MS4A5: variants seen among roughly 807,000 people sequenced by gnomAD.
MS4A5 encodes membrane-spanning 4-domains subfamily A member 5.
Under a neutral mutation model 18.2 loss-of-function variants are expected in MS4A5, and 15 were observed. The ratio of observed to expected loss-of-function variants is 0.83; its 90% CI spans 0.55 to 1.27. The LOEUF is 1.27. Among genes scored for constraint, MS4A5 ranks in the 50% most tolerant of loss-of-function variants. The pLI, the probability that MS4A5 is intolerant of heterozygous loss-of-function variation, is 0.00. For missense variants in MS4A5, 232 were observed against 225.7 expected (o/e 1.03, Z -0.18); for synonymous variants, 89 against 78.7 (o/e 1.13, Z -0.69).
chr11:60,435,249 T>C (rs2086072208), intron 4 of MS4A5, among the ~76,000 whole-genome samples: 1 of 151,604 alleles, frequency 6.6e-6, no homozygotes, highest in Non-Finnish European at 1.5e-5. Context: ...CCATTGAAAA[T>C]TAACAGTAAG....
chr11:60,434,538 G>A (rs1466322557), intron 4 of MS4A5, among the ~76,000 whole-genome samples: 4 of 152,202 alleles, frequency 2.6e-5, no homozygotes, highest in Non-Finnish European at 5.9e-5. Flanking sequence ...GAATGCACCA[G>A]GTCCACAGAA....
At chr11:60,437,540 G>A (rs2086087188) in intron 4 of MS4A5, among the ~76,000 whole-genome samples, 1 of 152,158 alleles carries the variant, frequency 6.6e-6, no homozygotes, top group Non-Finnish European at 1.5e-5. Context: ...CTCATGTGCA[G>A]AGACACACAT....
rs1304168641 is a variant in MS4A5 at position 60,429,782 on chromosome 11, A to G, written c.108A>G (p.Gln36=). 4.3e-6 allele frequency: 7 copies of G among 1,613,944 alleles called. No individual in the cohort carries two copies. Among genetic ancestry groups the G allele is most frequent in the Non-Finnish European group, 5.1e-6 (6 of 1,180,002 alleles). Residue 36 remains glutamine (Q), a synonymous_variant, in exon 1 of 5, where the codon CAA becomes CAG. Coordinates refer to ENST00000300190, the MANE Select transcript of MS4A5 (RefSeq NM_023945.3). ...TTTCAGCCACGACCTTTTCAACTCA[A>G]AGCCCCTTGCAAAAATTATTTGCTA... is the stretch of plus-strand genomic sequence containing the variant. ...TELSATTFST[Q]SPLQKLFARK... is the part of the protein sequence containing the mutation.
intron 4 of MS4A5, among the ~76,000 whole-genome samples, chr11:60,438,141 A>G (rs1215800068): frequency 1.3e-5 from 2 of 152,184 alleles, no homozygotes; most frequent in East Asian, 1.9e-4. Flanking sequence ...GCTCAACTAC[A>G]TGGAAACAGA....
intron 4 of MS4A5, among the ~76,000 whole-genome samples, chr11:60,445,553 AC>A (rs1156912469): frequency 8.5e-5 from 13 of 152,168 alleles, no homozygotes. Context: ...AGCTGGCGCA[AC>A]CAGCCAAAAT....
chr11:60,433,887 T>C lies in MS4A5; in HGVS notation c.462T>C (p.Ser154=). The C allele has an allele frequency of 6.2e-7, 1 of 1,614,150 alleles. No homozygotes were observed. The change falls in exon 4 of 5, where the codon AGT becomes AGC. Residue 154 remains serine, a synonymous_variant. Transcript: ENST00000300190. The stretch of plus-strand genomic sequence containing the variant: ...TTTGTGGTTATTCTCACCAAAATAG[T>C]CAGTGTAAGGCTGTTACTGTCCTGT... The part of the protein sequence containing the change: ...NYICGYSHQN[S]QCKAVTVLFL...
chr11:60,435,807 A>G (rs576871654), intron 4 of MS4A5, among the ~76,000 whole-genome samples: 35 of 152,062 alleles, frequency 2.3e-4, no homozygotes, highest in African/African-American at 8.2e-4. Context: ...GCTGATTGCT[A>G]GCACAGCAGT....
In MS4A5 at chr11:60,437,947, C is replaced by T. The variant is rs549525561; in HGVS notation, c.492+4030C>T. 4.3e-4 allele frequency among the ~76,000 whole-genome samples: 66 copies of T among 152,260 alleles called. No homozygotes were observed. The East Asian group carries it at 0.012, about 28-fold the overall frequency. ...CCTAATAGACATCTACAGAACTCTCCACGCCAAATCAACAGAATATACATT... is the reference window on the plus strand; with the variant it reads ...CCTAATAGACATCTACAGAACTCTCTACGCCAAATCAACAGAATATACATT... On this transcript the variant is annotated intron_variant, in intron 4 of 4. Transcript: ENST00000300190.
rs550966362 is a variant in MS4A5, at chr11:60,430,934, G to A, written c.282+10G>A. The A allele has an allele frequency of 9.1e-5, 146 of 1,603,098 alleles. 1 individual carries two copies. The South Asian group carries it at 1.6e-3, about 17-fold the overall frequency. ...CTGGGGCTCTGTTTTGGTGAGTATA[G>A]TCAATCAAGTTCAATTTGAAGCCAT... On this transcript the variant is annotated intron_variant, in intron 2 of 4. Transcript: ENST00000300190.
chr11:60,447,607 C>A, intron 4 of MS4A5, 42 bp from the exon 5 acceptor site: 1 of 1,133,100 alleles, frequency 8.8e-7, no homozygotes, highest in Non-Finnish European at 1.3e-6. Context: ...ACTGTGCCAA[C>A]ATCATGACTC....
intron 4 of MS4A5, among the ~76,000 whole-genome samples, chr11:60,437,592 T>C (rs1034698229): frequency 1.3e-5 from 2 of 151,002 alleles, no homozygotes; most frequent in African/African-American, 4.9e-5. Flanking sequence ...ACCAAGCAAA[T>C]GGAAAACAAA....
intron 4 of MS4A5, among the ~76,000 whole-genome samples, chr11:60,439,896 G>A (rs1318301851): frequency 4.2e-5 from 4 of 94,266 alleles, no homozygotes; most frequent in African/African-American, 7.4e-5. Flanking sequence ...AGCTACCAAT[G>A]ACTTTCTTCA....
At chr11:60,447,124 C>CCTATGCTATG (rs571065253) in intron 4 of MS4A5, among the ~76,000 whole-genome samples, 57 of 145,404 alleles carry the variant, frequency 3.9e-4, no homozygotes, top group Non-Finnish European at 7.0e-4. Context: ...CCTATGCTAT[C>CCTATGCTATG]CTATGCTATG....
chr11:60,433,518 A>G (rs1274778229), intron 3 of MS4A5, among the ~76,000 whole-genome samples: 1 of 152,224 alleles, frequency 6.6e-6, no homozygotes, highest in Non-Finnish European at 1.5e-5. Context: ...TCCCAACTGA[A>G]TAAGAGTTAA....
chr11:60,435,080 T>G (rs927644768), intron 4 of MS4A5, among the ~76,000 whole-genome samples: 2 of 152,156 alleles, frequency 1.3e-5, no homozygotes, highest in African/African-American at 4.8e-5. Context: ...CACGCCCCAA[T>G]CCCCACTGAC....
chr11:60,433,674 A>G (rs1310728743), intron 3 of MS4A5, 91 bp from the exon 4 acceptor site: 2 of 1,310,346 alleles, frequency 1.5e-6, no homozygotes, highest in Non-Finnish European at 2.2e-6. Flanking sequence ...TGCTGTGACT[A>G]AAATCCTGCT....
chr11:60,430,754 C>A (rs2086044219), intron 1 of MS4A5, 42 bp from the exon 2 acceptor site: 1 of 1,601,180 alleles, frequency 6.2e-7, no homozygotes, highest in Non-Finnish European at 8.5e-7. Context: ...GGGAAACTAT[C>A]ACTTTGCTTT....
At chr11:60,435,588 C>A in intron 4 of MS4A5, 1 of 292,820 alleles carries the variant, frequency 3.4e-6, no homozygotes, top group Non-Finnish European at 6.6e-6. Context: ...CCTGCGCGAG[C>A]CGAAGCAGGG....
intron 4 of MS4A5, among the ~76,000 whole-genome samples, chr11:60,440,646 C>G (rs1565188467): frequency 6.7e-6 from 1 of 150,224 alleles, no homozygotes; most frequent in Non-Finnish European, 1.5e-5. Flanking sequence ...TAAAAGAAGA[C>G]ATTTATGCAG....
Sources: allele counts gnomAD v4.1 joint callset (sites outside exome capture counted in the v4.1 genomes callset), GRCh38; gene constraint gnomAD v4.1.1; transcripts MANE v1.5; gene names NCBI Gene and HGNC (gene_info 2026-07-23, HGNC 2026-07-21).